The following PAX5 variants were observed in gnomAD, a reference collection of about 807,000 sequenced individuals.
PAX5 encodes paired box 5, also known as paired box protein Pax-5.
PAX5 carries 9 observed loss-of-function variants against 43.7 expected under a neutral mutation model. The ratio of observed to expected loss-of-function variants is 0.21; its 90% CI spans 0.12 to 0.36. The LOEUF is 0.36. PAX5 is among the 10% of genes least tolerant of loss of function. The pLI, the probability that PAX5 is intolerant of heterozygous loss-of-function variation, is 1.00. For synonymous variants in PAX5, 228 were observed against 214.3 expected (o/e 1.06, Z -0.56); for missense variants, 383 against 532.7 (o/e 0.72, Z 2.77).
intron 8 of PAX5, among the ~76,000 whole-genome samples, chr9:36,873,231 C>G (rs781159184): frequency 1.3e-5 from 2 of 152,230 alleles, no homozygotes; most frequent in Admixed American, 6.5e-5. Flanking sequence ...TTAACATTAG[C>G]ACATCAGGAT....
rs551106095 is a variant in PAX5 at position 36,871,158 on chromosome 9, C to T, written c.1012+10846G>A. On this transcript the variant is annotated intron_variant, in intron 8 of 9. Transcript: ENST00000358127. ...AGCGTGGCTTAAACCCCAGGCCTGG[C>T]GTCAGGCTGCTCTGCCACCTGCTGT... Among the ~76,000 whole-genome samples, 157 of 152,326 alleles carry T rather than the reference C, an allele frequency of 1.0e-3. No homozygotes were observed. The Middle Eastern group carries it at 0.014, about 13-fold the overall frequency.
chr9:36,991,046 T>C (rs1478587943), intron 5 of PAX5, among the ~76,000 whole-genome samples: 1 of 150,636 alleles, frequency 6.6e-6, no homozygotes, highest in Non-Finnish European at 1.5e-5. Flanking sequence ...GAGGCAGAGG[T>C]TGCAGTGAGC....
chr9:36,993,148 G>A (rs1183992311), intron 5 of PAX5, among the ~76,000 whole-genome samples: 1 of 152,224 alleles, frequency 6.6e-6, no homozygotes, highest in African/African-American at 2.4e-5. Flanking sequence ...CAGCAGCTAT[G>A]AGAGTCCAGC....
intron 8 of PAX5, among the ~76,000 whole-genome samples, chr9:36,862,996 A>T (rs1462907148): frequency 6.6e-6 from 1 of 152,136 alleles, no homozygotes; most frequent in East Asian, 1.9e-4. Context: ...ACAAGTGGGG[A>T]CTGAGGTCCA....
chr9:36,840,592 G>C lies in PAX5; in HGVS notation c.1144C>G (p.Pro382Ala). The C allele has an allele frequency of 6.3e-7, 1 of 1,585,356 alleles. No homozygotes were observed. The highest frequency in any genetic ancestry group is 8.6e-7 in the Non-Finnish European group (1 of 1,166,998). Residue 382 changes from proline to alanine, a missense_variant, in exon 10 of 10, where the codon CCT (proline) becomes GCT (alanine). This residue lies in a region of PAX5 where 291 missense variants were observed against 342.5 expected (regional missense o/e 0.85). Transcript: ENST00000358127. ...CGGTCATAGGCAGTGGCGGCTGCAG[G>C]TGGGGCGGCTCCTCGGGCGGCAGCG... ...YSAAARGAAP[P>A]AAATAYDRH
At chr9:36,890,147 A>G (rs775755901) in intron 7 of PAX5, among the ~76,000 whole-genome samples, 4 of 152,074 alleles carry the variant, frequency 2.6e-5, no homozygotes, top group Non-Finnish European at 5.9e-5. Flanking sequence ...AAAACCCTTC[A>G]CTTTGAATAC....
At chr9:36,852,697 A>T (rs1295410536) in intron 8 of PAX5, among the ~76,000 whole-genome samples, 1 of 152,204 alleles carries the variant, frequency 6.6e-6, no homozygotes, top group Non-Finnish European at 1.5e-5. Flanking sequence ...CGAGCAATGC[A>T]CTTCTTCCTC....
chr9:36,891,407 G>A (rs1047084613), intron 7 of PAX5, among the ~76,000 whole-genome samples: 2 of 152,250 alleles, frequency 1.3e-5, no homozygotes, highest in African/African-American at 4.8e-5. Context: ...GTCGGTGCGT[G>A]TGTACACGTA....
At chr9:36,940,727 G>C (rs942173066) in intron 6 of PAX5, among the ~76,000 whole-genome samples, 1 of 152,058 alleles carries the variant, frequency 6.6e-6, no homozygotes, top group African/African-American at 2.4e-5. Context: ...AGTCTGGAGA[G>C]GCACCCAGGC....
chr9:36,849,039 C>T (rs1822886103), intron 8 of PAX5, among the ~76,000 whole-genome samples: 1 of 152,234 alleles, frequency 6.6e-6, no homozygotes, highest in Non-Finnish European at 1.5e-5. Context: ...GGAAGCCCCT[C>T]TCCCACCCCT....
rs74717827 is a variant in PAX5, at chr9:37,015,927, A to C, written c.213-733T>G. ...GGACAGCACTGGCTAAGCATTAACA[A>C]AATTCTTTCACATTCATCTACCATT... On this transcript the variant is annotated intron_variant, in intron 2 of 9. Transcript: ENST00000358127. This position sits in a 1 kb window ranked among gnomAD's most constrained non-coding sequence, Gnocchi z 4.4. 0.011 allele frequency among the ~76,000 whole-genome samples: 1,681 copies of C among 152,366 alleles called. 39 individuals are homozygous for C. The highest frequency in any genetic ancestry group is 0.038 in the African/African-American group (1,562 of 41,578).
intron 6 of PAX5, among the ~76,000 whole-genome samples, chr9:36,961,680 C>G (rs989053690): frequency 2.6e-5 from 4 of 152,200 alleles, no homozygotes; most frequent in African/African-American, 7.2e-5. Context: ...GTAAATACGG[C>G]AGGCTATGCT....
intron 6 of PAX5, among the ~76,000 whole-genome samples, chr9:36,947,165 G>T (rs927382556): frequency 6.6e-6 from 1 of 152,106 alleles, no homozygotes; most frequent in African/African-American, 2.4e-5. Context: ...TGGAAGCAAC[G>T]TTCCCCTTCC....
intron 4 of PAX5, among the ~76,000 whole-genome samples, chr9:37,003,869 T>A (rs1287461599): frequency 1.3e-5 from 2 of 152,032 alleles, no homozygotes; most frequent in Non-Finnish European, 2.9e-5. Flanking sequence ...AGAGACAGAG[T>A]GGTGATTTGA....
At chr9:36,998,300 C>T (rs1377443541) in intron 5 of PAX5, among the ~76,000 whole-genome samples, 2 of 152,204 alleles carry the variant, frequency 1.3e-5, no homozygotes, top group Non-Finnish European at 2.9e-5. Context: ...AATCTCTATA[C>T]TGAAAGGGCC....
At chr9:36,871,489 CA>C (rs1003537678) in intron 8 of PAX5, among the ~76,000 whole-genome samples, 17 of 152,352 alleles carry the variant, frequency 1.1e-4, no homozygotes, top group African/African-American at 4.1e-4. Context: ...GACCCTGCAT[CA>C]GCCACCCAAC....
chr9:36,954,283 C>T (rs1184165861), intron 6 of PAX5, among the ~76,000 whole-genome samples: 2 of 152,026 alleles, frequency 1.3e-5, no homozygotes, highest in East Asian at 1.9e-4. Flanking sequence ...GCCAAGAAAA[C>T]GTGTTGATTT....
intron 4 of PAX5, among the ~76,000 whole-genome samples, chr9:37,005,058 G>A (rs780171749): frequency 4.6e-5 from 7 of 152,200 alleles, no homozygotes; most frequent in Non-Finnish European, 7.3e-5. Flanking sequence ...AAGAATATTA[G>A]CAGTTATACC....
chr9:36,961,751 C>T (rs1300470653), intron 6 of PAX5, among the ~76,000 whole-genome samples: 3 of 152,162 alleles, frequency 2.0e-5, no homozygotes, highest in South Asian at 2.1e-4. Flanking sequence ...GCTGCGCCGA[C>T]GACAACGTCA....
Sources: gnomAD v4.1 joint callset for allele counts (sites outside exome capture counted in the v4.1 genomes callset) on GRCh38, gnomAD v4.1.1 for gene constraint, gnomAD v4.1.1 regional missense constraint, Gnocchi (gnomAD v3.1) non-coding constraint, MANE v1.5 for transcripts, NCBI Gene and HGNC (gene_info 2026-07-23, HGNC 2026-07-21) for gene names.